PRKCQ: variants seen among roughly 807,000 people sequenced by gnomAD.
PRKCQ encodes the protein protein kinase C theta.
PRKCQ carries 41 observed loss-of-function variants against 91.2 expected under a neutral mutation model. The ratio of observed to expected loss-of-function variants is 0.45; its 90% CI spans 0.35 to 0.58. The LOEUF is 0.58. PRKCQ is among the 20% of genes least tolerant of loss of function. PRKCQ has a pLI of 0.00. For missense variants in PRKCQ, 673 were observed against 896.5 expected (o/e 0.75, Z 3.18); for synonymous variants, 307 against 316.9 (o/e 0.97, Z 0.33).
chr10:6,574,967 C>CACTA (rs3086768), intron 1 of PRKCQ, among the ~76,000 whole-genome samples: 62,909 of 152,002 alleles, frequency 0.41, 13,159 homozygotes, highest in African/African-American at 0.48. Context: ...CCTACTGAAA[C>CACTA]ACACAATCAT....
At chr10:6,429,402 G>A (rs1833291711) in intron 17 of PRKCQ, among the ~76,000 whole-genome samples, 1 of 152,202 alleles carries the variant, frequency 6.6e-6, no homozygotes, top group Non-Finnish European at 1.5e-5. Context: ...GCTTGAGGCT[G>A]GCCTGTTGGG....
At chr10:6,447,424 G>C (rs1200939122) in intron 15 of PRKCQ, among the ~76,000 whole-genome samples, 1 of 128,022 alleles carries the variant, frequency 7.8e-6, no homozygotes, top group Admixed American at 7.6e-5. Context: ...AAAAAAAAAA[G>C]TACGATATTT....
At chr10:6,467,248 C>G (rs2130722628) in intron 12 of PRKCQ, among the ~76,000 whole-genome samples, 1 of 152,014 alleles carries the variant, frequency 6.6e-6, no homozygotes, top group East Asian at 1.9e-4. Context: ...CCCTCCTGGG[C>G]TGCCGTTTAG....
intron 1 of PRKCQ, among the ~76,000 whole-genome samples, chr10:6,569,164 C>G (rs770009880): frequency 6.6e-6 from 1 of 152,138 alleles, no homozygotes; most frequent in Non-Finnish European, 1.5e-5. Context: ...GCACCTACTA[C>G]GTGTCAGACA....
intron 8 of PRKCQ, among the ~76,000 whole-genome samples, chr10:6,488,935 C>T (rs61841271): frequency 6.6e-6 from 1 of 151,838 alleles, no homozygotes; most frequent in Non-Finnish European, 1.5e-5. Flanking sequence ...GTGCACACCA[C>T]TACACCCGAC....
intron 1 of PRKCQ, among the ~76,000 whole-genome samples, chr10:6,546,874 T>C (rs1839971607): frequency 6.6e-6 from 1 of 152,218 alleles, no homozygotes; most frequent in African/African-American, 2.4e-5. Flanking sequence ...GGGTCTGTCA[T>C]AGATAGCTCT....
chr10:6,462,167 T>C (rs1336748847), intron 14 of PRKCQ, 136 bp downstream of exon 14: 1 of 743,644 alleles, frequency 1.3e-6, no homozygotes, highest in Non-Finnish European at 2.3e-6. Flanking sequence ...GTAATCATTG[T>C]GGGCAGCAGA....
At chr10:6,471,481 GCCTGTGAT>G (rs987836387) in intron 12 of PRKCQ, among the ~76,000 whole-genome samples, 7 of 152,110 alleles carry the variant, frequency 4.6e-5, no homozygotes, top group African/African-American at 1.7e-4. Flanking sequence ...GGTGGCTCAT[GCCTGTGAT>G]CCCAGCACTT....
At chr10:6,448,117 C>T (rs113463411) in intron 15 of PRKCQ, among the ~76,000 whole-genome samples, 6,331 of 152,152 alleles carry the variant, frequency 0.042, 396 homozygotes, top group African/African-American at 0.13. Context: ...TCAGTATACA[C>T]TTAGAGATGA....
At chr10:6,401,994 C>T in the PRKCQ span, among the ~76,000 whole-genome samples, 1 of 152,074 alleles carries the variant, frequency 6.6e-6, no homozygotes, top group Non-Finnish European at 1.5e-5. Context: ...CCTCTGCCTC[C>T]CTCTAGTGAC....
intron 1 of PRKCQ, among the ~76,000 whole-genome samples, chr10:6,519,133 G>T (rs1333378485): frequency 6.6e-6 from 1 of 152,206 alleles, no homozygotes; most frequent in Non-Finnish European, 1.5e-5. Flanking sequence ...TAACATAAAA[G>T]ATTTTCATGG....
Position 6,487,937 on chromosome 10 carries a change from G to A in PRKCQ, c.791-1793C>T, listed in dbSNP as rs191808337. ...GAAGAATCACTTCAACTTGGGAGGC[G>A]GAGGTTGCAGTGAGCTGAGATCGTG... On this transcript the variant is annotated intron_variant, in intron 8 of 17. Coordinates refer to ENST00000263125, the MANE Select transcript of PRKCQ (RefSeq NM_006257.5). Among the ~76,000 whole-genome samples the A allele has an allele frequency of 1.5e-4, 22 of 151,484 alleles. 1 individual carries two copies. Among genetic ancestry groups the A allele is most frequent in the Admixed American group, 9.2e-4 (14 of 15,192 alleles).
rs757580090 is a variant in PRKCQ, at chr10:6,498,522, A to T, written c.416T>A (p.Phe139Tyr). The T allele has an allele frequency of 3.1e-6, 5 of 1,614,138 alleles. No individual in the cohort carries two copies. Among genetic ancestry groups the T allele is most frequent in the Non-Finnish European group, 4.2e-6 (5 of 1,180,014 alleles). ...KDMNEFETEGFFALHQRRGAI... is the reference protein window; with the variant it reads ...KDMNEFETEGYFALHQRRGAI... ...ACCCCGGCGCTGATGCAAAGCAAAG[A>T]AGCCTTCCGTCTCAAATTCATTCAT... The change falls in exon 5 of 18, where the codon TTC (phenylalanine) becomes TAC (tyrosine). Residue 139 changes from phenylalanine (F) to tyrosine (Y), a missense_variant. Coordinates refer to ENST00000263125, the MANE Select transcript of PRKCQ (RefSeq NM_006257.5).
intron 4 of PRKCQ, among the ~76,000 whole-genome samples, chr10:6,507,130 T>A (rs560246969): frequency 1.3e-5 from 2 of 152,222 alleles, no homozygotes; most frequent in East Asian, 3.8e-4. Flanking sequence ...TAACCACACA[T>A]CAACAGTCTT....
intron 1 of PRKCQ, among the ~76,000 whole-genome samples, chr10:6,569,610 C>T (rs994767041): frequency 5.9e-5 from 9 of 152,046 alleles, no homozygotes; most frequent in Non-Finnish European, 1.2e-4. Context: ...AGAAGAGAAA[C>T]GGTGCTGCCT....
chr10:6,473,748 C>A (rs990964157), intron 12 of PRKCQ, among the ~76,000 whole-genome samples: 2 of 152,152 alleles, frequency 1.3e-5, no homozygotes, highest in African/African-American at 4.8e-5. Flanking sequence ...TCAGATGAAG[C>A]AGTTTCTGAA....
chr10:6,492,357 G>A (rs1242519367), intron 7 of PRKCQ, among the ~76,000 whole-genome samples: 1 of 152,160 alleles, frequency 6.6e-6, no homozygotes, highest in African/African-American at 2.4e-5. Context: ...GTGGCAAGAG[G>A]AGGGAGCAGT....
chr10:6,442,844 C>A (rs1210998623), intron 15 of PRKCQ, among the ~76,000 whole-genome samples: 2 of 152,174 alleles, frequency 1.3e-5, no homozygotes, highest in African/African-American at 4.8e-5. Context: ...TGCTTGTAAT[C>A]CTAGCTACTC....
intron 15 of PRKCQ, among the ~76,000 whole-genome samples, chr10:6,447,496 G>C (rs977315755): frequency 2.6e-5 from 4 of 151,946 alleles, no homozygotes; most frequent in African/African-American, 9.7e-5. Flanking sequence ...AGAGACATCA[G>C]CCTCTCTTTG....
Sources: allele counts gnomAD v4.1 joint callset (sites outside exome capture counted in the v4.1 genomes callset), GRCh38; gene constraint gnomAD v4.1.1; transcripts MANE v1.5; gene names NCBI Gene and HGNC (gene_info 2026-07-23, HGNC 2026-07-21).